Variants in CDKL5 observed in about 807,000 individuals in gnomAD.
CDKL5 encodes the protein cyclin dependent kinase like 5.
A neutral mutation model predicts 61.7 loss-of-function variants in CDKL5; 8 were observed. The observed-to-expected ratio is 0.13, with a 90% CI of 0.08 to 0.23. The LOEUF (loss-of-function observed/expected upper bound fraction) is 0.23, where lower values mean the gene tolerates loss of function less well. Ranked by LOEUF, CDKL5 falls within the 10% of genes least tolerant of loss-of-function variation. The pLI is 1.00. For synonymous variants in CDKL5, 275 were observed against 272.3 expected (o/e 1.01, Z -0.10); for missense variants, 440 against 734.5 (o/e 0.60, Z 4.63).
In CDKL5 at chrX:18,633,999, T is replaced by G. The variant is rs747769723; in HGVS notation, c.*5242T>G. The G allele has an allele frequency of 2.7e-6, 2 of 752,571 alleles. No homozygotes were observed. The highest frequency in any genetic ancestry group is 6.8e-5 in the South Asian group (1 of 14,686). The allele number at this position is 752,571 out of a possible 1,213,427, so 62.0% of individuals were successfully genotyped here. A position where few individuals can be genotyped will look rare whatever the true frequency, so the allele number is the denominator to read the frequency against. On this transcript the variant is annotated 3_prime_UTR_variant, in exon 18 of 18. Transcript: ENST00000623535. ...ATTGTAATAGTCGGCACGCTGGATT[T>G]GTAGGGCCAGCAAAATTGCGGCAGT...
chrX:18,432,074 A>G (rs1401065721), intron 1 of CDKL5, among the ~76,000 whole-genome samples: 1 of 102,650 alleles, frequency 9.7e-6, no homozygotes, highest in Non-Finnish European at 2.0e-5. Context: ...GCACCTGGCT[A>G]ATTTCTTTCT....
intron 3 of CDKL5, among the ~76,000 whole-genome samples, chrX:18,520,808 C>T (rs1020752561): frequency 1.2e-4 from 13 of 111,910 alleles, no homozygotes; most frequent in Admixed American, 1.9e-4. Context: ...AGTGCAGTGT[C>T]TCCCTGCAAC....
rs1392170237 is a variant in CDKL5, at chrX:18,509,209, A to G, written c.65-1611A>G. On this transcript the variant is annotated intron_variant, in intron 2 of 17. Transcript: ENST00000623535. The stretch of plus-strand genomic sequence containing the variant: ...TGTCTCAAAACACGCACACACACAC[A>G]CACACACACACACACACACACACAC... Among the ~76,000 whole-genome samples the G allele has an allele frequency of 4.7e-4, 46 of 97,091 alleles. No homozygotes were observed. The East Asian group carries it at 5.1e-3, about 11-fold the overall frequency. 84.3% of individuals were successfully genotyped at this position (97,091 alleles called of 115,157 possible). A position where few individuals can be genotyped will look rare whatever the true frequency, so the allele number is the denominator to read the frequency against.
In CDKL5 at chrX:18,630,371, G is replaced by C. The variant is rs1927200645; in HGVS notation, c.*1614G>C. On this transcript the variant is annotated 3_prime_UTR_variant, in exon 18 of 18. Coordinates refer to ENST00000623535, the MANE Select transcript of CDKL5 (RefSeq NM_001323289.2). Reference sequence around the variant, plus strand: ...ATCTATCAGTAGTAGTAGATTTTTGGAATTAGTCTCTGAGCAATAATACTT... The same window carrying C: ...ATCTATCAGTAGTAGTAGATTTTTGCAATTAGTCTCTGAGCAATAATACTT... 6 of 750,750 alleles carry C rather than the reference G, an allele frequency of 8.0e-6. No homozygotes were observed. In the Admixed American group the frequency reaches 2.7e-4, roughly 33 times the overall value. The allele number at this position is 750,750 out of a possible 1,213,427, so 61.9% of individuals were successfully genotyped here.
At chrX:18,442,837 G>T (rs1931784678) in intron 1 of CDKL5, among the ~76,000 whole-genome samples, 1 of 112,066 alleles carries the variant, frequency 8.9e-6, no homozygotes, top group African/African-American at 3.2e-5. Flanking sequence ...AATTAGTTCA[G>T]CTCTTTTTCA....
intron 3 of CDKL5, among the ~76,000 whole-genome samples, chrX:18,529,604 T>G (rs1049094111): frequency 2.7e-5 from 3 of 111,250 alleles, no homozygotes; most frequent in African/African-American, 9.8e-5. Flanking sequence ...CCTTCAGTTT[T>G]GAAGGATCAT....
At chrX:18,628,265 C>A in intron 17 of CDKL5, 106 bp from the exon 18 acceptor site, 1 of 814,280 alleles carries the variant, frequency 1.2e-6, no homozygotes, top group Non-Finnish European at 1.9e-6. Context: ...CACATGCTTG[C>A]CCTTCCTGGC....
Position 18,606,897 on chromosome X carries a change from C to T in CDKL5, c.1945-1914C>T, listed in dbSNP as rs183337028. ...ATCTTCTACTCCTCAGAAGTAGAAA[C>T]AATAGGATTTGTGATTTGAAGGATT... On this transcript the variant is annotated intron_variant, in intron 12 of 17. Transcript: ENST00000623535. 1.8e-4 allele frequency among the ~76,000 whole-genome samples: 20 copies of T among 111,903 alleles called. No individual in the cohort carries two copies. In the East Asian group the frequency reaches 5.6e-3, roughly 32 times the overall value.
Position 18,630,858 on chromosome X carries a change from T to A in CDKL5, c.*2101T>A, listed in dbSNP as rs945740668. 2.1e-5 allele frequency: 16 copies of A among 746,902 alleles called. No individual in the cohort carries two copies. In the Middle Eastern group the frequency reaches 2.2e-3, roughly 105 times the overall value. The allele number at this position is 746,902 out of a possible 1,213,427, so 61.6% of individuals were successfully genotyped here. A position where few individuals can be genotyped will look rare whatever the true frequency, so the allele number is the denominator to read the frequency against. Reference sequence around the variant, plus strand: ...ATTCTGGCTTTTCCAGGCAGCTGCTTGATGATACAAATGAGGTGGACCATC... The same window carrying A: ...ATTCTGGCTTTTCCAGGCAGCTGCTAGATGATACAAATGAGGTGGACCATC... On this transcript the variant is annotated 3_prime_UTR_variant, in exon 18 of 18. Coordinates refer to ENST00000623535, the MANE Select transcript of CDKL5 (RefSeq NM_001323289.2).
At position 18,649,769 on chromosome X, in the gene CDKL5, C is replaced by T. The variant is rs754521296; in HGVS notation, c.2798-641C>T. On this transcript the variant is annotated intron_variant, in intron 20 of 21. Coordinates refer to the CDKL5 transcript ENST00000379989. ...CATTCTTTCTGTGGGCTGGGGATCC[C>T]GAGGACTGAGTGCCTGCGGACTCGA... 5.3e-5 allele frequency among the ~76,000 whole-genome samples: 6 copies of T among 112,233 alleles called. No individual in the cohort carries two copies. The East Asian group carries it at 1.4e-3, about 26-fold the overall frequency.
intron 1 of CDKL5, among the ~76,000 whole-genome samples, chrX:18,428,943 T>G (rs778330733): frequency 9.0e-6 from 1 of 111,683 alleles, no homozygotes; most frequent in Admixed American, 9.6e-5. Flanking sequence ...TAGAAATCTT[T>G]TGTTGGTGAC....
downstream of CDKL5, chrX:18,644,519 C>T (rs184603580): frequency 1.3e-5 from 16 of 1,209,543 alleles, no homozygotes; most frequent in East Asian, 1.2e-4. Context: ...ATCCACTCAT[C>T]GATGTCACAG....
intron 3 of CDKL5, among the ~76,000 whole-genome samples, chrX:18,533,185 G>A (rs981091917): frequency 4.7e-4 from 53 of 111,989 alleles, no homozygotes; most frequent in African/African-American, 1.7e-3. Context: ...TTTTTGCTGT[G>A]TAATAATCAA....
chrX:18,446,925 T>G (rs777179037), intron 1 of CDKL5, among the ~76,000 whole-genome samples: 19 of 112,001 alleles, frequency 1.7e-4, no homozygotes, highest in South Asian at 3.7e-4. Flanking sequence ...ATGAGATGCT[T>G]CTTCTGCTGT....
chrX:18,590,910 G>A (rs929889780), intron 9 of CDKL5, among the ~76,000 whole-genome samples: 1 of 111,562 alleles, frequency 9.0e-6, no homozygotes, highest in African/African-American at 3.3e-5. Context: ...ATGAGACCTT[G>A]CCTGACCTCA....
chrX:18,474,735 G>C (rs1921240007), intron 1 of CDKL5, among the ~76,000 whole-genome samples: 1 of 111,597 alleles, frequency 9.0e-6, no homozygotes, highest in Non-Finnish European at 1.9e-5. Context: ...TTAACTTTTA[G>C]TAGTGGAAAA....
At chrX:18,562,953 C>G (rs972821017) in intron 3 of CDKL5, among the ~76,000 whole-genome samples, 1 of 112,144 alleles carries the variant, frequency 8.9e-6, no homozygotes, top group African/African-American at 3.2e-5. Flanking sequence ...GTGCCAGTTA[C>G]AAATTTAAAT....
At chrX:18,521,548 T>A (rs1210367877) in intron 3 of CDKL5, among the ~76,000 whole-genome samples, 1 of 112,193 alleles carries the variant, frequency 8.9e-6, no homozygotes, top group African/African-American at 3.2e-5. Flanking sequence ...TTAAAAATTG[T>A]TTTAATGAAA....
intron 1 of CDKL5, among the ~76,000 whole-genome samples, chrX:18,497,745 C>A (rs1249115152): frequency 1.8e-5 from 2 of 110,286 alleles, no homozygotes; most frequent in African/African-American, 6.6e-5. Flanking sequence ...AAATAGTGCC[C>A]CAGGAACCCC....
Sources: gnomAD v4.1 joint callset for allele counts (sites outside exome capture counted in the v4.1 genomes callset) on GRCh38, gnomAD v4.1.1 for gene constraint, MANE v1.5 for transcripts, NCBI Gene and HGNC (gene_info 2026-07-23, HGNC 2026-07-21) for gene names.